The following ITK variants were observed in gnomAD, a reference collection of about 807,000 sequenced individuals.
The protein encoded by ITK is tyrosine-protein kinase ITK/TSK.
In ITK, 45 loss-of-function variants were observed where a neutral mutation model predicts 87.6. The ratio of observed to expected loss-of-function variants is 0.51; its 90% CI spans 0.40 to 0.66. ITK has a LOEUF of 0.66. Among genes scored for constraint, ITK ranks in the 30% least tolerant of loss-of-function variants. ITK has a pLI of 0.00. For missense variants in ITK, 605 were observed against 766.3 expected (o/e 0.79, Z 2.48); for synonymous variants, 303 against 273.6 (o/e 1.11, Z -1.06).
Position 157,184,370 on chromosome 5 carries a change from A to G in ITK, c.138+3255A>G, listed in dbSNP as rs149191529. ...TGGCTCACAGATTCCTGAAAACTTA[A>G]CAATTAGCTACCTCGGGCCAGTACA... On this transcript the variant is annotated intron_variant, in intron 1 of 16. Coordinates refer to ENST00000422843, the MANE Select transcript of ITK (RefSeq NM_005546.4). Among the ~76,000 whole-genome samples the G allele has an allele frequency of 4.8e-3, 732 of 152,274 alleles. 3 individuals are homozygous for G. Among genetic ancestry groups the G allele is most frequent in the Middle Eastern group, 0.02 (6 of 294 alleles).
At chr5:157,246,106 A>C in intron 15 of ITK, 107 bp downstream of exon 15, 1 of 831,956 alleles carries the variant, frequency 1.2e-6, no homozygotes, top group Non-Finnish European at 2.1e-6. Flanking sequence ...GTATCATATC[A>C]TGAGGGTGTC....
intron 5 of ITK, among the ~76,000 whole-genome samples, chr5:157,220,102 T>C (rs1291944451): frequency 6.6e-6 from 1 of 152,188 alleles, no homozygotes; most frequent in African/African-American, 2.4e-5. Context: ...TCTCGGGTTG[T>C]CATACAGAGA....
At chr5:157,190,461 G>A (rs1262323229) in intron 1 of ITK, among the ~76,000 whole-genome samples, 1 of 152,218 alleles carries the variant, frequency 6.6e-6, no homozygotes, top group Non-Finnish European at 1.5e-5. Flanking sequence ...GAACGCAGTG[G>A]TAAGTAATGG....
intron 7 of ITK, among the ~76,000 whole-genome samples, chr5:157,230,167 A>C (rs1754621768): frequency 1.3e-5 from 2 of 152,320 alleles, no homozygotes; most frequent in Non-Finnish European, 2.9e-5. Flanking sequence ...AGAAGTACTT[A>C]GGAATAAAAG....
intron 11 of ITK, 135 bp from the exon 12 acceptor site, chr5:157,243,488 G>C (rs376764268): frequency 1.3e-6 from 1 of 776,588 alleles, no homozygotes; most frequent in Non-Finnish European, 2.3e-6. Flanking sequence ...GTGGGAAAAA[G>C]ATAATTTATT....
intron 6 of ITK, among the ~76,000 whole-genome samples, chr5:157,225,361 T>A (rs1754510179): frequency 6.6e-6 from 1 of 152,028 alleles, no homozygotes; most frequent in Non-Finnish European, 1.5e-5. Context: ...TTTTGCCACA[T>A]AATTTCCTCA....
chr5:157,181,216 CACAA>C, intron 1 of ITK, 101 bp downstream of exon 1: 1 of 1,179,880 alleles, frequency 8.5e-7, no homozygotes, highest in East Asian at 2.3e-5. Context: ...GCACAGGAAA[CACAA>C]ACATGCTTAT....
At chr5:157,211,436 T>C in intron 3 of ITK, 68 bp downstream of exon 3, 1 of 1,278,812 alleles carries the variant, frequency 7.8e-7, no homozygotes, top group Non-Finnish European at 1.1e-6. Flanking sequence ...GGTTCCACAA[T>C]AGAATAGAGT....
rs188338927 is a variant in ITK, at chr5:157,207,627, G to T, written c.139-1262G>T. On this transcript the variant is annotated intron_variant, in intron 1 of 16. Coordinates refer to ENST00000422843, the MANE Select transcript of ITK (RefSeq NM_005546.4). ...ACTCCTGATCTCAGGTGATCTTCCC[G>T]TGTCGGCCTCCCAAAGGGCTAGGAT... Among the ~76,000 whole-genome samples, 593 of 151,960 alleles carry T rather than the reference G, an allele frequency of 3.9e-3. 5 individuals carry two copies. Among genetic ancestry groups the T allele is most frequent in the African/African-American group, 0.013 (557 of 41,424 alleles).
chr5:157,203,354 G>A (rs1325528670), intron 1 of ITK, among the ~76,000 whole-genome samples: 1 of 152,162 alleles, frequency 6.6e-6, no homozygotes, highest in Non-Finnish European at 1.5e-5. Context: ...GTTCCAACCT[G>A]ACACCCTTTG....
At chr5:157,209,245 T>C (rs901333831) in intron 2 of ITK, among the ~76,000 whole-genome samples, 2 of 151,712 alleles carry the variant, frequency 1.3e-5, no homozygotes, top group Non-Finnish European at 2.9e-5. Flanking sequence ...GACAGGAGAA[T>C]TGTTTGAACC....
intron 15 of ITK, among the ~76,000 whole-genome samples, chr5:157,247,583 C>T (rs78996956): frequency 8.1e-4 from 123 of 152,304 alleles, no homozygotes; most frequent in African/African-American, 2.7e-3. Context: ...ATTACCATTA[C>T]AGGGTTGGGC....
intron 1 of ITK, among the ~76,000 whole-genome samples, chr5:157,191,174 C>G (rs1301704615): frequency 6.6e-6 from 1 of 152,046 alleles, no homozygotes. Flanking sequence ...GAGTCTCACT[C>G]TGTCACCCAG....
Position 157,232,370 on chromosome 5 carries a change from A to T in ITK, c.744A>T (p.Lys248Asn), listed in dbSNP as rs1754674896. ...EWYNKSISRD[K>N]AEKLLLDTGK... is the part of the protein sequence containing the mutation. ...ACAATAAGAGTATCAGCCGAGACAAAGCTGAAAAACTTCTTTTGGACACAG... is the reference window on the plus strand; with the variant it reads ...ACAATAAGAGTATCAGCCGAGACAATGCTGAAAAACTTCTTTTGGACACAG... Residue 248 changes from lysine to asparagine, a missense_variant, in exon 8 of 17, where the codon AAA becomes AAT. Lys to Asn is a moderately conservative substitution (Grantham distance 94). Transcript: ENST00000422843. 1 of 1,611,852 alleles carries T rather than the reference A, an allele frequency of 6.2e-7. No homozygotes were observed. Among genetic ancestry groups the T allele is most frequent in the African/African-American group, 1.3e-5 (1 of 74,984 alleles).
At chr5:157,223,734 C>A (rs926875153) in intron 6 of ITK, among the ~76,000 whole-genome samples, 3 of 152,036 alleles carry the variant, frequency 2.0e-5, no homozygotes, top group Admixed American at 1.3e-4. Context: ...ATTGCAAATT[C>A]CCTTGTTGAA....
intron 5 of ITK, among the ~76,000 whole-genome samples, chr5:157,222,410 C>T (rs1291200135): frequency 6.6e-6 from 1 of 152,174 alleles, no homozygotes; most frequent in Non-Finnish European, 1.5e-5. Flanking sequence ...TCAGTTTCCT[C>T]ATCCTAAATG....
chr5:157,188,894 GA>G (rs770097871), intron 1 of ITK, among the ~76,000 whole-genome samples: 3 of 152,284 alleles, frequency 2.0e-5, no homozygotes, highest in Non-Finnish European at 4.4e-5. Flanking sequence ...CCATCTAATG[GA>G]AGGGCAGTTC....
At chr5:157,190,620 G>A (rs989789868) in intron 1 of ITK, among the ~76,000 whole-genome samples, 1 of 152,240 alleles carries the variant, frequency 6.6e-6, no homozygotes, top group African/African-American at 2.4e-5. Context: ...GAATGTGGTA[G>A]GTTCTATGGC....
Position 157,232,370 on chromosome 5 carries a change from A to C in ITK, c.744A>C (p.Lys248Asn). ...ACAATAAGAGTATCAGCCGAGACAA[A>C]GCTGAAAAACTTCTTTTGGACACAG... Reference protein sequence around the residue: ...EWYNKSISRDKAEKLLLDTGK... With the variant: ...EWYNKSISRDNAEKLLLDTGK... The change falls in exon 8 of 17, where the codon AAA (lysine) becomes AAC (asparagine). Residue 248 changes from lysine (K) to asparagine (N), a missense_variant. Lys to Asn is a moderately conservative substitution (Grantham distance 94). This residue lies in a region of ITK where 464 missense variants were observed against 578.0 expected (regional missense o/e 0.80). Coordinates refer to ENST00000422843, the MANE Select transcript of ITK (RefSeq NM_005546.4). 13 of 1,611,852 alleles carry C rather than the reference A, an allele frequency of 8.1e-6. No individual in the cohort carries two copies. Among genetic ancestry groups the C allele is most frequent in the Non-Finnish European group, 1.1e-5 (13 of 1,178,254 alleles).
Sources: gnomAD v4.1 joint callset for allele counts (sites outside exome capture counted in the v4.1 genomes callset) on GRCh38, gnomAD v4.1.1 for gene constraint, gnomAD v4.1.1 regional missense constraint, MANE v1.5 for transcripts, NCBI Gene and HGNC (gene_info 2026-07-23, HGNC 2026-07-21) for gene names.